The following TTPA variants were observed in gnomAD, a reference collection of about 807,000 sequenced individuals.
TTPA encodes alpha-tocopherol transfer protein.
TTPA carries 23 observed loss-of-function variants against 25.9 expected under a neutral mutation model. The observed-to-expected ratio is 0.89, with a 90% CI of 0.64 to 1.26. The LOEUF is 1.26. Ranked by LOEUF, TTPA falls within the 50% of genes most tolerant of loss-of-function variation. The pLI is 0.00. For missense variants in TTPA, 337 were observed against 353.1 expected (o/e 0.95, Z 0.37); for synonymous variants, 148 against 137.3 (o/e 1.08, Z -0.54).
At chr8:63,072,352 T>C (rs1805495781) in intron 2 of TTPA, among the ~76,000 whole-genome samples, 1 of 152,172 alleles carries the variant, frequency 6.6e-6, no homozygotes, top group Admixed American at 6.5e-5. Flanking sequence ...AACCTCTGCC[T>C]CCCAGGTTCA....
chr8:63,085,070 T>A (rs1805726330), intron 1 of TTPA, among the ~76,000 whole-genome samples: 1 of 152,216 alleles, frequency 6.6e-6, no homozygotes, highest in Non-Finnish European at 1.5e-5. Flanking sequence ...GGGCACAGCT[T>A]GTTTTGTTAA....
intron 1 of TTPA, among the ~76,000 whole-genome samples, chr8:63,083,939 C>T (rs1805704619): frequency 6.7e-6 from 1 of 149,694 alleles, no homozygotes; most frequent in South Asian, 2.1e-4. Context: ...GGCTGTGGTG[C>T]AGTAGCACAA....
chr8:63,073,428 G>A lies in TTPA; in HGVS notation c.205-340C>T, dbSNP rs560595296. Among the ~76,000 whole-genome samples the A allele has an allele frequency of 9.9e-5, 15 of 152,240 alleles. No individual in the cohort carries two copies. The South Asian group carries it at 3.1e-3, about 32-fold the overall frequency. On this transcript the variant is annotated intron_variant, in intron 1 of 4. Coordinates refer to ENST00000260116, the MANE Select transcript of TTPA (RefSeq NM_000370.3). ...CTTCACTCCCCTTGAATCTAGGCTG[G>A]CCTTCCACCTTGCTTTGATCTAATA...
intron 4 of TTPA, among the ~76,000 whole-genome samples, chr8:63,062,343 G>T (rs2129736829): frequency 6.6e-6 from 1 of 152,184 alleles, no homozygotes; most frequent in Non-Finnish European, 1.5e-5. Flanking sequence ...TGAACCAAAA[G>T]CATACCTGCT....
intron 1 of TTPA, among the ~76,000 whole-genome samples, chr8:63,078,552 A>C (rs1805609394): frequency 6.6e-6 from 1 of 152,222 alleles, no homozygotes; most frequent in Non-Finnish European, 1.5e-5. Context: ...CACAAGCTTC[A>C]GTAGCTGATT....
At chr8:63,080,793 CA>C (rs968257758) in intron 1 of TTPA, among the ~76,000 whole-genome samples, 1 of 148,448 alleles carries the variant, frequency 6.7e-6, no homozygotes, top group African/African-American at 2.5e-5. Flanking sequence ...CAAATAGACA[CA>C]AAAAAATGAT....
At chr8:63,074,910 C>T (rs777815456) in intron 1 of TTPA, among the ~76,000 whole-genome samples, 4 of 152,120 alleles carry the variant, frequency 2.6e-5, no homozygotes, top group Admixed American at 1.3e-4. Context: ...GATAACAACA[C>T]GTGTTGAATG....
At chr8:63,062,814 AAT>A (rs1206446761) in intron 4 of TTPA, among the ~76,000 whole-genome samples, 1 of 152,226 alleles carries the variant, frequency 6.6e-6, no homozygotes, top group African/African-American at 2.4e-5. Context: ...TCAAAATAGA[AAT>A]AGTTATTTTT....
chr8:63,079,623 T>C (rs1805628729), intron 1 of TTPA, among the ~76,000 whole-genome samples: 6 of 152,122 alleles, frequency 3.9e-5, no homozygotes. Context: ...CAAGAAGAGC[T>C]AACTATCCTA....
At chr8:63,066,576 T>C (rs1401583079) in intron 2 of TTPA, among the ~76,000 whole-genome samples, 1 of 152,106 alleles carries the variant, frequency 6.6e-6, no homozygotes, top group African/African-American at 2.4e-5. Flanking sequence ...CATGTCCCTG[T>C]AGGCTAGAGC....
Position 63,065,905 on chromosome 8 carries a change from G to GT in TTPA, c.550dup (p.Thr184AsnfsTer16). The stretch of plus-strand genomic sequence containing the variant: ...CTGACAGTTAAAATATACATTTACC[G>GT]TAAGTACAGCAGCAATCTTCTTGGC... On this transcript the variant is annotated frameshift_variant and splice_region_variant, in exon 3 of 5. Transcript: ENST00000260116. LOFTEE classifies it high-confidence loss of function. 2 of 1,613,794 alleles carry GT rather than the reference G, an allele frequency of 1.2e-6. No homozygotes were observed. The highest frequency in any genetic ancestry group is 1.7e-6 in the Non-Finnish European group (2 of 1,179,822).
chr8:63,077,365 A>G (rs1805579841), intron 1 of TTPA, among the ~76,000 whole-genome samples: 1 of 152,194 alleles, frequency 6.6e-6, no homozygotes, highest in Non-Finnish European at 1.5e-5. Flanking sequence ...GCATTGCCTC[A>G]CCCAGGAAGT....
chr8:63,065,085 G>C (rs2129743616), intron 3 of TTPA, among the ~76,000 whole-genome samples: 1 of 152,168 alleles, frequency 6.6e-6, no homozygotes, highest in East Asian at 1.9e-4. Flanking sequence ...TCCATCAAAT[G>C]AATGTACATT....
intron 1 of TTPA, among the ~76,000 whole-genome samples, chr8:63,084,713 G>A (rs1410780215): frequency 1.3e-5 from 2 of 152,174 alleles, no homozygotes; most frequent in African/African-American, 2.4e-5. Context: ...GAGGTAGGGA[G>A]CTTTTTTCCT....
At position 63,061,088 on chromosome 8, in the gene TTPA, A is replaced by G. The variant is rs951598591; in HGVS notation, c.*164T>C. The G allele has an allele frequency of 1.5e-4, 102 of 700,356 alleles. 2 individuals carry two copies. The Middle Eastern group carries it at 3.6e-3, about 25-fold the overall frequency. 43.4% of individuals were successfully genotyped at this position (700,356 alleles called of 1,614,324 possible). On this transcript the variant is annotated 3_prime_UTR_variant, in exon 5 of 5. Transcript: ENST00000260116. ...GAAAAAAGCATTTAAAAAGTAAAAA[A>G]TCTTTCCAAACACCTGTGTTGCTCA...
rs575310246 is a variant in TTPA at position 63,084,085 on chromosome 8, C to G, written c.204+1733G>C. 2.0e-4 allele frequency among the ~76,000 whole-genome samples: 31 copies of G among 152,082 alleles called. 1 individual carries two copies. In the South Asian group the frequency reaches 6.0e-3, roughly 30 times the overall value. On this transcript the variant is annotated intron_variant, in intron 1 of 4. Coordinates refer to ENST00000260116, the MANE Select transcript of TTPA (RefSeq NM_000370.3). Reference sequence around the variant, plus strand: ...ATTTTTTGTAGAGATGAGGTTTCACCATGTTGCACAGGCTGTTCGTGAGCT... The same window carrying G: ...ATTTTTTGTAGAGATGAGGTTTCACGATGTTGCACAGGCTGTTCGTGAGCT...
rs760608813 is a variant in TTPA, at chr8:63,086,001, C to G, written c.21G>C (p.Gln7His). The stretch of plus-strand genomic sequence containing the variant: ...CGTTGAGCTGCGGCCCCGCCGAGGG[C>G]TGGGATCGCGCCTCTGCCATGCCCG... MAEARS[Q>H]PSAGPQLNAL... Residue 7 changes from glutamine (Q) to histidine (H), a missense_variant, in exon 1 of 5, where the codon CAG becomes CAC. Gln to His is a conservative substitution (Grantham distance 24). Transcript: ENST00000260116. 17 of 1,487,624 alleles carry G rather than the reference C, an allele frequency of 1.1e-5. No homozygotes were observed. Among genetic ancestry groups the G allele is most frequent in the Non-Finnish European group, 1.5e-5 (17 of 1,127,128 alleles). The allele number at this position is 1,487,624 out of a possible 1,614,324, so 92.2% of individuals were successfully genotyped here.
At chr8:63,074,487 A>G (rs1563363781) in intron 1 of TTPA, among the ~76,000 whole-genome samples, 1 of 152,220 alleles carries the variant, frequency 6.6e-6, no homozygotes. Context: ...TAAATGCAAG[A>G]GAGGAGTAAG....
chr8:63,074,451 A>G (rs1281347801), intron 1 of TTPA, among the ~76,000 whole-genome samples: 1 of 152,158 alleles, frequency 6.6e-6, no homozygotes, highest in Non-Finnish European at 1.5e-5. Context: ...CTTAACTTTG[A>G]AAAAAGAGAG....
Sources: allele counts gnomAD v4.1 joint callset (sites outside exome capture counted in the v4.1 genomes callset), GRCh38; gene constraint gnomAD v4.1.1; transcripts MANE v1.5; gene names NCBI Gene and HGNC (gene_info 2026-07-23, HGNC 2026-07-21).